Variants in OTC observed in about 807,000 individuals in gnomAD.
OTC encodes ornithine transcarbamylase, mitochondrial.
A neutral mutation model predicts 30.3 loss-of-function variants in OTC; 3 were observed. That is an observed-to-expected ratio of 0.10 (90% CI 0.05 to 0.26). OTC has a LOEUF of 0.26. Ranked by LOEUF, OTC falls within the 10% of genes least tolerant of loss-of-function variation. OTC has a pLI of 1.00. For synonymous variants in OTC, 111 were observed against 99.7 expected, an observed-to-expected ratio of 1.11 and a Z score of -0.67; for missense variants, 194 against 260.3, an observed-to-expected ratio of 0.75 and a Z score of 1.75.
Position 38,367,505 on chromosome X carries a change from G to A in OTC, c.216+76G>A, listed in dbSNP as rs1412862362. On this transcript the variant is annotated intron_variant, in intron 2 of 9. Coordinates refer to ENST00000039007, the MANE Select transcript of OTC (RefSeq NM_000531.6). ...AAAGGCAGCCTTCCCAAAGAAAGAG[G>A]GAAAAAAATACATTAAAATTCTTAA... 7.9e-6 allele frequency: 7 copies of A among 887,638 alleles called. No individual in the cohort carries two copies. The African/African-American group carries it at 8.1e-5, about 10-fold the overall frequency. 73.2% of individuals were successfully genotyped at this position (887,638 alleles called of 1,213,427 possible). A position where few individuals can be genotyped will look rare whatever the true frequency, so the allele number is the denominator to read the frequency against.
At chrX:38,373,145 G>T (rs2068330698) in intron 3 of OTC, among the ~76,000 whole-genome samples, 2 of 112,389 alleles carry the variant, frequency 1.8e-5, no homozygotes, top group South Asian at 7.4e-4. Flanking sequence ...CCCAGATAGA[G>T]AAACAGAATG....
At chrX:38,366,524 A>G (rs1283285165) in intron 1 of OTC, among the ~76,000 whole-genome samples, 1 of 112,019 alleles carries the variant, frequency 8.9e-6, no homozygotes, top group Admixed American at 9.5e-5. Context: ...GTACAGCCCA[A>G]TGATTTTAAT....
At chrX:38,383,203 A>G (rs2068384432) in intron 4 of OTC, among the ~76,000 whole-genome samples, 1 of 111,733 alleles carries the variant, frequency 8.9e-6, no homozygotes, top group South Asian at 3.7e-4. Flanking sequence ...AGTCCATATA[A>G]TTCATTTTGA....
chrX:38,396,099 C>A (rs1381038052), intron 4 of OTC, among the ~76,000 whole-genome samples: 1 of 104,304 alleles, frequency 9.6e-6, no homozygotes, highest in East Asian at 2.9e-4. Flanking sequence ...ATTATAGGCA[C>A]ATGCCACCAC....
At chrX:38,410,634 T>C (rs1449280591) in intron 8 of OTC, among the ~76,000 whole-genome samples, 3 of 111,876 alleles carry the variant, frequency 2.7e-5, no homozygotes, top group African/African-American at 9.7e-5. Context: ...TTATAGGAGC[T>C]CTTTATATAT....
At chrX:38,335,374 C>T in the OTC span, among the ~76,000 whole-genome samples, 1 of 112,384 alleles carries the variant, frequency 8.9e-6, no homozygotes, top group African/African-American at 3.2e-5. Flanking sequence ...TATTTTCTCC[C>T]AGAGTTTTAA....
At position 38,403,750 on chromosome X, in the gene OTC, C is replaced by T; in HGVS notation, c.663+10C>T. The T allele has an allele frequency of 1.7e-6, 2 of 1,209,148 alleles. No individual in the cohort carries two copies. The highest frequency in any genetic ancestry group is 3.5e-5 in the South Asian group (2 of 56,919). ...GGCAGCTACTCCAAAGGTAGGGAAA[C>T]TTTTTGCCTTGAAACTAACCCCTCT... On this transcript the variant is annotated intron_variant, in intron 6 of 9. Transcript: ENST00000039007.
At chrX:38,398,815 C>T (rs2068470220) in intron 4 of OTC, among the ~76,000 whole-genome samples, 1 of 111,961 alleles carries the variant, frequency 8.9e-6, no homozygotes, top group South Asian at 3.7e-4. Flanking sequence ...CTAGGACCTA[C>T]TCTATTTCTG....
the OTC span, among the ~76,000 whole-genome samples, chrX:38,332,000 A>G: frequency 2.5e-3 from 279 of 111,001 alleles, no homozygotes; most frequent in African/African-American, 8.8e-3. Context: ...GTGAAACTTC[A>G]TCTGTATATA....
At chrX:38,363,987 G>A (rs746719832) in intron 1 of OTC, among the ~76,000 whole-genome samples, 5 of 110,131 alleles carry the variant, frequency 4.5e-5, no homozygotes, top group African/African-American at 1.7e-4. Context: ...TTAGCTGGGC[G>A]TGGTGGCACA....
intron 4 of OTC, among the ~76,000 whole-genome samples, chrX:38,391,351 A>T (rs1373266930): frequency 9.0e-6 from 1 of 111,025 alleles, no homozygotes; most frequent in Non-Finnish European, 1.9e-5. Context: ...ATATGTAACT[A>T]ACCTGCATGT....
chrX:38,359,914 C>CTTTTT (rs57184116), intron 1 of OTC, among the ~76,000 whole-genome samples: 1,043 of 94,467 alleles, frequency 0.011, 20 homozygotes, highest in African/African-American at 0.039. Flanking sequence ...TTCTTTCTTT[C>CTTTTT]TTTTTTTTTT....
At chrX:38,367,174 CAAAA>C (rs755821521) in intron 1 of OTC, 113 bp from the exon 2 acceptor site, 29 of 497,287 alleles carry the variant, frequency 5.8e-5, no homozygotes, top group East Asian at 9.0e-5. Context: ...GAACCTGTCT[CAAAA>C]AAAAAAAAAA....
chrX:38,362,498 A>G (rs1452775226), intron 1 of OTC, among the ~76,000 whole-genome samples: 3 of 112,153 alleles, frequency 2.7e-5, no homozygotes, highest in Non-Finnish European at 3.8e-5. Flanking sequence ...AAATATTGAA[A>G]TAAAGTTTCT....
chrX:38,416,597 T>G (rs1005291026), intron 9 of OTC, among the ~76,000 whole-genome samples: 5 of 112,195 alleles, frequency 4.5e-5, no homozygotes, highest in African/African-American at 1.6e-4. Flanking sequence ...CATTTACTTC[T>G]CCCCAAGTTA....
intron 1 of OTC, among the ~76,000 whole-genome samples, chrX:38,362,992 G>C (rs146270176): frequency 4.7e-3 from 523 of 112,336 alleles, no homozygotes; most frequent in Non-Finnish European, 8.1e-3. Flanking sequence ...CTGTAGCCTT[G>C]TGAGCATTCA....
intron 1 of OTC, among the ~76,000 whole-genome samples, chrX:38,360,681 A>G (rs912902375): frequency 1.8e-5 from 2 of 111,822 alleles, no homozygotes; most frequent in African/African-American, 3.3e-5. Context: ...CGATATCCCA[A>G]TGTGCACAAA....
At chrX:38,380,809 A>G (rs972969425) in intron 3 of OTC, among the ~76,000 whole-genome samples, 1 of 110,860 alleles carries the variant, frequency 9.0e-6, no homozygotes, top group Non-Finnish European at 1.9e-5. Flanking sequence ...GCTCACTACA[A>G]CCCCTGCCTC....
At chrX:38,374,736 C>T (rs1190383700) in intron 3 of OTC, among the ~76,000 whole-genome samples, 1 of 111,582 alleles carries the variant, frequency 9.0e-6, no homozygotes, top group African/African-American at 3.3e-5. Flanking sequence ...CCAGGAGGTC[C>T]GAAACTTTGT....
Sources: gnomAD v4.1 joint callset for allele counts (sites outside exome capture counted in the v4.1 genomes callset) on GRCh38, gnomAD v4.1.1 for gene constraint, MANE v1.5 for transcripts, NCBI Gene and HGNC (gene_info 2026-07-23, HGNC 2026-07-21) for gene names.